CUX2: variants seen among roughly 807,000 people sequenced by gnomAD.
The protein encoded by CUX2 is cut like homeobox 2, also known as homeobox protein cut-like 2.
A neutral mutation model predicts 144.8 loss-of-function variants in CUX2; 40 were observed. The observed-to-expected ratio is 0.28, with a 90% CI of 0.21 to 0.36. The LOEUF (loss-of-function observed/expected upper bound fraction) is 0.36, where lower values mean the gene tolerates loss of function less well. CUX2 is among the 10% of genes least tolerant of loss of function. CUX2 has a pLI of 1.00. For synonymous variants in CUX2, 827 were observed against 875.6 expected, an observed-to-expected ratio of 0.94 and a Z score of 0.98; for missense variants, 1,615 against 1,994.0, an observed-to-expected ratio of 0.81 and a Z score of 3.62.
intron 4 of CUX2, among the ~76,000 whole-genome samples, chr12:111,274,478 G>A (rs921091633): frequency 3.9e-5 from 6 of 152,082 alleles, no homozygotes; most frequent in Admixed American, 3.9e-4. Context: ...TGCTGGTGGT[G>A]GTGGTATTAT....
chr12:111,154,394 A>G (rs916959818), intron 1 of CUX2, among the ~76,000 whole-genome samples: 9 of 152,184 alleles, frequency 5.9e-5, no homozygotes, highest in African/African-American at 1.9e-4. Flanking sequence ...GCAGGAGCCC[A>G]GGCCACAGGG....
At chr12:111,136,365 T>A (rs2136116906) in intron 1 of CUX2, among the ~76,000 whole-genome samples, 1 of 151,954 alleles carries the variant, frequency 6.6e-6, no homozygotes, top group African/African-American at 2.4e-5. Flanking sequence ...TGGTGGTGCC[T>A]GGGAGAGAAG....
intron 1 of CUX2, among the ~76,000 whole-genome samples, chr12:111,144,371 A>G (rs1247940966): frequency 6.6e-6 from 1 of 152,040 alleles, no homozygotes; most frequent in Admixed American, 6.5e-5. Flanking sequence ...TTTTCCTCCT[A>G]TTCGGAACGT....
At chr12:111,283,509 G>C (rs906123239) in intron 4 of CUX2, among the ~76,000 whole-genome samples, 1 of 152,096 alleles carries the variant, frequency 6.6e-6, no homozygotes, top group African/African-American at 2.4e-5. Flanking sequence ...CACAGATGAC[G>C]GGCACTGAAG....
At chr12:111,345,400 G>A (rs1888750454) in intron 21 of CUX2, among the ~76,000 whole-genome samples, 1 of 132,974 alleles carries the variant, frequency 7.5e-6, no homozygotes, top group African/African-American at 2.9e-5. Context: ...CCGAGATCGT[G>A]CCCCCACTGC....
chr12:111,308,532 G>A lies in CUX2; in HGVS notation c.1258+6G>A, dbSNP rs1886715477. 3.1e-6 allele frequency: 5 copies of A among 1,604,344 alleles called. No homozygotes were observed. The African/African-American group carries it at 5.4e-5, about 17-fold the overall frequency. Reference sequence around the variant, plus strand: ...CAGCCTCCTGGCCAGCCCTGGTAGGGGAGGAGGATACTCTGGGGCTGAGGG... The same window carrying A: ...CAGCCTCCTGGCCAGCCCTGGTAGGAGAGGAGGATACTCTGGGGCTGAGGG... On this transcript the variant is annotated splice_donor_region_variant and intron_variant, in intron 14 of 21. Transcript: ENST00000261726.
chr12:111,158,242 G>A (rs929326669), intron 1 of CUX2, among the ~76,000 whole-genome samples: 4 of 152,170 alleles, frequency 2.6e-5, no homozygotes, highest in African/African-American at 9.7e-5. Context: ...GGGGTGTGGA[G>A]AGCAAATAGC....
At chr12:111,181,433 T>G (rs1401820895) in intron 1 of CUX2, among the ~76,000 whole-genome samples, 1 of 152,242 alleles carries the variant, frequency 6.6e-6, no homozygotes, top group Non-Finnish European at 1.5e-5. Context: ...GGCGATTGAT[T>G]GGCCTGATTT....
At chr12:111,090,628 T>C (rs1319582865) in intron 1 of CUX2, among the ~76,000 whole-genome samples, 1 of 152,044 alleles carries the variant, frequency 6.6e-6, no homozygotes, top group Non-Finnish European at 1.5e-5. Flanking sequence ...CACCTCCCCA[T>C]CTCTCGGCAT....
At chr12:111,285,083 C>T (rs1565891821) in intron 4 of CUX2, among the ~76,000 whole-genome samples, 1 of 152,140 alleles carries the variant, frequency 6.6e-6, no homozygotes, top group Non-Finnish European at 1.5e-5. Context: ...GCATTCAGTC[C>T]TCAGTCTCTT....
At chr12:111,250,999 G>A (rs118011385) in intron 3 of CUX2, among the ~76,000 whole-genome samples, 2,984 of 152,180 alleles carry the variant, frequency 0.02, 43 homozygotes, top group Middle Eastern at 0.037. Flanking sequence ...TTATATGAGC[G>A]TATAGTGTAT....
rs35454022 is a variant in CUX2, at chr12:111,302,899, T to TA, written c.754-1292dup. On this transcript the variant is annotated intron_variant, in intron 9 of 21. Transcript: ENST00000261726. ...TGGGCAACAAAGCAAGACTCTGTCT[T>TA]AAAAAAAAAAAAAAAAAAAGAAAAG... Among the ~76,000 whole-genome samples, 628 of 109,426 alleles carry TA rather than the reference T, an allele frequency of 5.7e-3. 2 individuals carry two copies. Among genetic ancestry groups the TA allele is most frequent in the Non-Finnish European group, 9.0e-3 (454 of 50,438 alleles). 71.8% of individuals were successfully genotyped at this position (109,426 alleles called of 152,430 possible). A position where few individuals can be genotyped will look rare whatever the true frequency, so the allele number is the denominator to read the frequency against.
chr12:111,135,098 G>A (rs925305867), intron 1 of CUX2, among the ~76,000 whole-genome samples: 7 of 152,198 alleles, frequency 4.6e-5, no homozygotes, highest in African/African-American at 9.6e-5. Context: ...TTTCAATGGC[G>A]AGACAGAAAA....
chr12:111,192,455 T>C (rs1879952547), intron 1 of CUX2, among the ~76,000 whole-genome samples: 1 of 151,816 alleles, frequency 6.6e-6, no homozygotes, highest in Non-Finnish European at 1.5e-5. Flanking sequence ...AACCCAGCCC[T>C]GCTCCTCCAG....
chr12:111,043,073 T>C (rs1425545720), intron 1 of CUX2, among the ~76,000 whole-genome samples: 1 of 152,186 alleles, frequency 6.6e-6, no homozygotes, highest in Non-Finnish European at 1.5e-5. Context: ...CCACTTACGG[T>C]ATAAATAATT....
intron 1 of CUX2, among the ~76,000 whole-genome samples, chr12:111,085,942 T>C (rs1203560672): frequency 1.3e-5 from 2 of 152,234 alleles, no homozygotes; most frequent in Non-Finnish European, 2.9e-5. Context: ...GCACTTATTA[T>C]TGGTTTGGGA....
chr12:111,119,914 CAGG>C (rs1874535441), intron 1 of CUX2, among the ~76,000 whole-genome samples: 1 of 152,018 alleles, frequency 6.6e-6, no homozygotes, highest in Non-Finnish European at 1.5e-5. Context: ...AAAAATTAGC[CAGG>C]CATGGTGGCA....
At position 111,312,350 on chromosome 12, in the gene CUX2, G is replaced by A; in HGVS notation, c.2002+149G>A. 1 of 610,278 alleles carries A rather than the reference G, an allele frequency of 1.6e-6. No individual in the cohort carries two copies. The highest frequency in any genetic ancestry group is 2.9e-6 in the Non-Finnish European group (1 of 350,406). 37.8% of individuals were successfully genotyped at this position (610,278 alleles called of 1,614,324 possible). On this transcript the variant is annotated intron_variant, in intron 16 of 21. Coordinates refer to ENST00000261726, the MANE Select transcript of CUX2 (RefSeq NM_015267.4). The surrounding 1 kb of genome is among the most constrained non-coding windows in gnomAD (Gnocchi z 4.3). ...CAGAGGGACCTGTCTAGAGCGCATG[G>A]GTAGCTGTGGCACTGCTCAGAACCC...
intron 1 of CUX2, among the ~76,000 whole-genome samples, chr12:111,052,340 T>C (rs1870311698): frequency 6.6e-6 from 1 of 151,780 alleles, no homozygotes; most frequent in Non-Finnish European, 1.5e-5. Flanking sequence ...CCTCCCTCTG[T>C]GGATTGTCAT....
Sources: gnomAD v4.1 joint callset for allele counts (sites outside exome capture counted in the v4.1 genomes callset) on GRCh38, gnomAD v4.1.1 for gene constraint, Gnocchi (gnomAD v3.1) non-coding constraint, MANE v1.5 for transcripts, NCBI Gene and HGNC (gene_info 2026-07-23, HGNC 2026-07-21) for gene names.